The following OTOGL variants were observed in gnomAD, a reference collection of about 807,000 sequenced individuals.
OTOGL encodes otogelin like, also known as otogelin-like protein.
OTOGL carries 285 observed loss-of-function variants against 318.5 expected under a neutral mutation model. The observed-to-expected ratio is 0.89, with a 90% CI of 0.81 to 0.99. The LOEUF is 0.99. OTOGL is among the 50% of genes least tolerant of loss of function. The pLI is 0.00. For synonymous variants in OTOGL, 987 were observed against 936.5 expected (o/e 1.05, Z -0.99); for missense variants, 2,899 against 2,845.6 (o/e 1.02, Z -0.43).
At chr12:80,328,582 A>T in intron 35 of OTOGL, 83 bp from the exon 36 acceptor site, 1 of 1,003,616 alleles carries the variant, frequency 1.0e-6, no homozygotes, top group Non-Finnish European at 1.5e-6. Context: ...AATATATCTT[A>T]GTCGCATATG....
rs1312398457 is a variant in OTOGL, at chr12:80,313,556, C to A, written c.3531C>A (p.Cys1177Ter). Residue 1177 changes from cysteine to a stop codon, truncating the protein, a stop_gained, in exon 31 of 59, where the codon TGC becomes TGA. Transcript: ENST00000547103. LOFTEE classifies it high-confidence loss of function. ...TTGGTGGCGACTGTGAGTGTTTGTG[C>A]ACTAGTATAGCTGCATATGCATACA... ...CNLGGDCECL[C>*]TSIAAYAYKC... 1.2e-6 allele frequency: 2 copies of A among 1,611,964 alleles called. No individual in the cohort carries two copies. Among genetic ancestry groups the A allele is most frequent in the African/African-American group, 2.7e-5 (2 of 74,768 alleles).
rs555280978 is a variant in OTOGL at position 80,190,141 on chromosome 12, G to T, written c.-19-19272G>T. Among the ~76,000 whole-genome samples the T allele has an allele frequency of 3.3e-5, 5 of 152,282 alleles. No individual in the cohort carries two copies. The South Asian group carries it at 1.0e-3, about 32-fold the overall frequency. On this transcript the variant is annotated intron_variant, in intron 1 of 58. Transcript: ENST00000547103. The stretch of plus-strand genomic sequence containing the variant: ...CACATGATGGCATTAATAGCAAATT[G>T]TATTTGGATGTGACTTTTAGGCTGC...
chr12:80,310,931 AT>A (rs1292430149), intron 30 of OTOGL, among the ~76,000 whole-genome samples: 12 of 152,166 alleles, frequency 7.9e-5, no homozygotes, highest in Non-Finnish European at 1.3e-4. Context: ...ACTACATCTA[AT>A]TTAACAGTGT....
chr12:80,191,370 G>A (rs535398956), intron 1 of OTOGL, among the ~76,000 whole-genome samples: 6 of 152,238 alleles, frequency 3.9e-5, no homozygotes, highest in East Asian at 1.9e-4. Context: ...CCCAGGAGGC[G>A]GAGGTTGCAG....
chr12:80,315,772 G>A (rs537170350), intron 32 of OTOGL, among the ~76,000 whole-genome samples: 2 of 152,256 alleles, frequency 1.3e-5, no homozygotes, highest in South Asian at 4.2e-4. Flanking sequence ...ATAGAAGTTT[G>A]ATAGAGGAGG....
intron 7 of OTOGL, among the ~76,000 whole-genome samples, chr12:80,222,576 T>C (rs993306038): frequency 6.6e-6 from 1 of 152,188 alleles, no homozygotes; most frequent in African/African-American, 2.4e-5. Flanking sequence ...AGTTTGATAC[T>C]ATATGACTGA....
intron 1 of OTOGL, among the ~76,000 whole-genome samples, chr12:80,182,813 T>C (rs1354926227): frequency 6.6e-6 from 1 of 152,182 alleles, no homozygotes; most frequent in East Asian, 1.9e-4. Flanking sequence ...CTGAAGCAGA[T>C]ATGTAGATGT....
Position 80,318,548 on chromosome 12 carries a change from C to T in OTOGL, c.3637C>T (p.Leu1213Phe), listed in dbSNP as rs1446248654. Residue 1213 changes from leucine to phenylalanine, a missense_variant and splice_region_variant, in exon 33 of 59, where the codon CTT (leucine) becomes TTT (phenylalanine). Coordinates refer to ENST00000547103, the MANE Select transcript of OTOGL (RefSeq NM_001378609.3). ...TTCTAATATTTATATTTAACTAGGACTTGGAGAAGGACCATATATGCTGGC... is the reference window on the plus strand; with the variant it reads ...TTCTAATATTTATATTTAACTAGGATTTGGAGAAGGACCATATATGCTGGC... ...SLDCEYYNEGLGEGPYMLASY... is the reference protein window; with the variant it reads ...SLDCEYYNEGFGEGPYMLASY... The T allele has an allele frequency of 7.7e-7, 1 of 1,300,440 alleles. No homozygotes were observed. Among genetic ancestry groups the T allele is most frequent in the Non-Finnish European group, 9.9e-7 (1 of 1,013,174 alleles). The allele number at this position is 1,300,440 out of a possible 1,614,324, so 80.6% of individuals were successfully genotyped here.
At chr12:80,204,165 ACT>A (rs1386594365) in intron 1 of OTOGL, among the ~76,000 whole-genome samples, 2 of 151,886 alleles carry the variant, frequency 1.3e-5, no homozygotes, top group African/African-American at 2.4e-5. Flanking sequence ...GCTTTTTTTG[ACT>A]CTCAATTCAA....
At chr12:80,147,874 C>A (rs1565878569) in intron 1 of OTOGL, among the ~76,000 whole-genome samples, 1 of 152,072 alleles carries the variant, frequency 6.6e-6, no homozygotes, top group Non-Finnish European at 1.5e-5. Context: ...ACTAGGATTG[C>A]AACCCCTGCC....
At chr12:80,137,843 A>G (rs1036366373) in intron 1 of OTOGL, among the ~76,000 whole-genome samples, 1 of 152,174 alleles carries the variant, frequency 6.6e-6, no homozygotes, top group African/African-American at 2.4e-5. Flanking sequence ...ATTAAAAATC[A>G]GGGACGCAAA....
At chr12:80,308,567 C>T (rs1293875146) in intron 29 of OTOGL, among the ~76,000 whole-genome samples, 9 of 152,178 alleles carry the variant, frequency 5.9e-5, no homozygotes, top group South Asian at 4.2e-4. Flanking sequence ...GACGGGGTGG[C>T]GGCCGGGCAG....
intron 1 of OTOGL, among the ~76,000 whole-genome samples, chr12:80,128,840 A>G (rs535470606): frequency 1.3e-5 from 2 of 152,334 alleles, no homozygotes; most frequent in East Asian, 3.9e-4. Context: ...CCTCTGAGCC[A>G]GGTGCGGGAT....
At chr12:80,150,332 T>C (rs1021130928) in intron 1 of OTOGL, among the ~76,000 whole-genome samples, 14 of 152,226 alleles carry the variant, frequency 9.2e-5, no homozygotes, top group African/African-American at 3.4e-4. Flanking sequence ...TGTTTCTTGC[T>C]GAACATAATG....
In OTOGL at chr12:80,279,010, T is replaced by C; in HGVS notation, c.2790-18T>C. Reference sequence around the variant, plus strand: ...GAGTCGTTTCTTTAGAAAGGTAACTTTTGTTATTTTTTAATAGCGTTTGTC... The same window carrying C: ...GAGTCGTTTCTTTAGAAAGGTAACTCTTGTTATTTTTTAATAGCGTTTGTC... On this transcript the variant is annotated intron_variant, in intron 25 of 58. Transcript: ENST00000547103. 6.3e-7 allele frequency: 1 copy of C among 1,583,616 alleles called. No homozygotes were observed. Among genetic ancestry groups the C allele is most frequent in the South Asian group, 1.1e-5 (1 of 90,424 alleles).
intron 1 of OTOGL, among the ~76,000 whole-genome samples, chr12:80,149,796 A>G (rs1872660513): frequency 6.6e-6 from 1 of 152,216 alleles, no homozygotes; most frequent in Non-Finnish European, 1.5e-5. Context: ...GCCCGTCGGA[A>G]AAGCGCAGTA....
chr12:80,253,554 T>A lies in OTOGL; in HGVS notation c.1374T>A (p.Ile458=). 3.1e-6 allele frequency: 5 copies of A among 1,609,956 alleles called. No individual in the cohort carries two copies. The highest frequency in any genetic ancestry group is 4.3e-6 in the Non-Finnish European group (5 of 1,176,450). The change falls in exon 14 of 59, where the codon ATT becomes ATA. Residue 458 remains isoleucine (I), a synonymous_variant. Transcript: ENST00000547103. ...HGLAYSVGSK[I]EQECTECVCV... is the part of the protein sequence containing the mutation. Reference sequence around the variant, plus strand: ...TAGCTTATTCAGTTGGTTCAAAAATTGAACAAGAATGTACTGAATGGTATG... The same window carrying A: ...TAGCTTATTCAGTTGGTTCAAAAATAGAACAAGAATGTACTGAATGGTATG...
In OTOGL at chr12:80,358,304, G is replaced by C. The variant is rs1412332644; in HGVS notation, c.6076G>C (p.Val2026Leu). The C allele has an allele frequency of 6.2e-7, 1 of 1,611,444 alleles. No individual in the cohort carries two copies. The highest frequency in any genetic ancestry group is 1.1e-5 in the South Asian group (1 of 90,696). The change falls in exon 50 of 59, where the codon GTA (valine) becomes CTA (leucine). Residue 2026 changes from valine to leucine, a missense_variant. Val to Leu is a conservative substitution (Grantham distance 32). Around this residue, in one of 3 missense-constraint regions of OTOGL, gnomAD observed 2,607 missense variants for 2,524.9 expected, o/e 1.03. Transcript: ENST00000547103. ...PLCHDGEFLT[V>L]DLNSTHFCCP... ...ATGTCATGATGGGGAATTTCTCACA[G>C]TAGATCTTAATAGCACACACTTCTG...
At chr12:80,204,836 C>G (rs1266680427) in intron 1 of OTOGL, among the ~76,000 whole-genome samples, 1 of 151,896 alleles carries the variant, frequency 6.6e-6, no homozygotes, top group Non-Finnish European at 1.5e-5. Flanking sequence ...GTCTGTGAAC[C>G]CTTAAGCTGA....
Sources: allele counts gnomAD v4.1 joint callset (sites outside exome capture counted in the v4.1 genomes callset), GRCh38; gene constraint gnomAD v4.1.1; regional missense constraint gnomAD v4.1.1; transcripts MANE v1.5; gene names NCBI Gene and HGNC (gene_info 2026-07-23, HGNC 2026-07-21).